CCSER1: variants seen among roughly 807,000 people sequenced by gnomAD.
CCSER1 encodes serine-rich coiled-coil domain-containing protein 1.
CCSER1 carries 41 observed loss-of-function variants against 82.0 expected under a neutral mutation model. That is an observed-to-expected ratio of 0.50 (90% CI 0.39 to 0.65). CCSER1 has a LOEUF of 0.65. CCSER1 is among the 30% of genes least tolerant of loss of function. CCSER1 has a pLI of 0.00. For missense variants in CCSER1, 1,119 were observed against 1,064.2 expected (o/e 1.05, Z -0.72); for synonymous variants, 414 against 383.9 (o/e 1.08, Z -0.92).
intron 1 of CCSER1, among the ~76,000 whole-genome samples, chr4:90,277,939 C>T (rs1728138123): frequency 6.6e-6 from 1 of 152,036 alleles, no homozygotes; most frequent in South Asian, 2.1e-4. Flanking sequence ...CTGCATTTGA[C>T]AAAGATCTAA....
At chr4:90,737,318 C>T (rs1561044945) in intron 7 of CCSER1, among the ~76,000 whole-genome samples, 1 of 152,092 alleles carries the variant, frequency 6.6e-6, no homozygotes. Flanking sequence ...TAACAAAATC[C>T]CTCGTCTTTT....
chr4:90,384,633 T>C (rs1749729873), intron 3 of CCSER1, among the ~76,000 whole-genome samples: 1 of 152,156 alleles, frequency 6.6e-6, no homozygotes, highest in Non-Finnish European at 1.5e-5. Flanking sequence ...ACCTAGACAC[T>C]GTATTCCTCT....
At chr4:91,546,012 G>A (rs1368031872) in intron 10 of CCSER1, among the ~76,000 whole-genome samples, 1 of 152,056 alleles carries the variant, frequency 6.6e-6, no homozygotes, top group Admixed American at 6.6e-5. Flanking sequence ...AATATTGTCA[G>A]ATGTTTTTTC....
At chr4:91,473,075 A>G (rs1222095966) in intron 10 of CCSER1, among the ~76,000 whole-genome samples, 2 of 152,160 alleles carry the variant, frequency 1.3e-5, no homozygotes, top group East Asian at 1.9e-4. Context: ...TGTTCCGCCA[A>G]TGCCCAGTAT....
chr4:91,529,937 A>T (rs1760940400), intron 10 of CCSER1, among the ~76,000 whole-genome samples: 1 of 152,166 alleles, frequency 6.6e-6, no homozygotes, highest in Admixed American at 6.5e-5. Flanking sequence ...TCCCTGAAGC[A>T]ATTTCATATC....
intron 5 of CCSER1, among the ~76,000 whole-genome samples, chr4:90,622,876 C>A (rs976199004): frequency 2.6e-5 from 4 of 152,184 alleles, no homozygotes; most frequent in Admixed American, 1.3e-4. Context: ...AGTTTACAGT[C>A]CCACCAACAG....
intron 1 of CCSER1, among the ~76,000 whole-genome samples, chr4:90,157,946 C>A (rs988814718): frequency 3.3e-5 from 5 of 152,160 alleles, no homozygotes; most frequent in African/African-American, 1.2e-4. Flanking sequence ...GGAGGAGAGG[C>A]GCTCTGCTTT....
chr4:90,548,846 A>T (rs11727913), intron 5 of CCSER1, among the ~76,000 whole-genome samples: 24,231 of 151,796 alleles, frequency 0.16, 2,517 homozygotes, highest in East Asian at 0.44. Flanking sequence ...CAAACTTCAG[A>T]ATATCAAAGT....
chr4:91,069,909 A>G (rs1445542498), intron 9 of CCSER1, among the ~76,000 whole-genome samples: 1 of 152,168 alleles, frequency 6.6e-6, no homozygotes, highest in Non-Finnish European at 1.5e-5. Flanking sequence ...ATATAATCAT[A>G]TATAATTTTA....
chr4:91,104,603 T>C (rs1725423373), intron 10 of CCSER1, among the ~76,000 whole-genome samples: 1 of 152,218 alleles, frequency 6.6e-6, no homozygotes, highest in African/African-American at 2.4e-5. Context: ...ATTGCTACTA[T>C]ACACTACATT....
chr4:91,457,722 A>G (rs1468666178), intron 10 of CCSER1, among the ~76,000 whole-genome samples: 1 of 152,084 alleles, frequency 6.6e-6, no homozygotes, highest in Non-Finnish European at 1.5e-5. Context: ...TTGTATTACA[A>G]TTTTTAACAT....
chr4:91,141,804 T>G (rs1729060267), intron 10 of CCSER1, among the ~76,000 whole-genome samples: 1 of 152,186 alleles, frequency 6.6e-6, no homozygotes, highest in African/African-American at 2.4e-5. Flanking sequence ...TTTGGCCCTT[T>G]TAATAAAAGC....
intron 10 of CCSER1, among the ~76,000 whole-genome samples, chr4:91,544,573 T>G (rs1309962301): frequency 6.6e-6 from 1 of 152,134 alleles, no homozygotes; most frequent in Non-Finnish European, 1.5e-5. Context: ...TTGCTGGAGG[T>G]CCACTCCAGA....
At chr4:91,427,122 A>T (rs372727004) in intron 10 of CCSER1, among the ~76,000 whole-genome samples, 22 of 152,276 alleles carry the variant, frequency 1.4e-4, no homozygotes, top group African/African-American at 5.1e-4. Context: ...GAAAACAGAT[A>T]AGGAAGATAG....
intron 8 of CCSER1, among the ~76,000 whole-genome samples, chr4:90,844,848 G>A (rs1763006033): frequency 6.6e-6 from 1 of 152,100 alleles, no homozygotes; most frequent in Non-Finnish European, 1.5e-5. Context: ...CTAGACAAGG[G>A]GTTAGCAAAG....
At chr4:90,225,082 T>C (rs1742889836) in intron 1 of CCSER1, among the ~76,000 whole-genome samples, 1 of 151,998 alleles carries the variant, frequency 6.6e-6, no homozygotes, top group African/African-American at 2.4e-5. Flanking sequence ...TTTTTATTTT[T>C]GAGACAGTTT....
intron 6 of CCSER1, among the ~76,000 whole-genome samples, chr4:90,636,898 G>GCAGTTT (rs1725511410): frequency 6.6e-6 from 1 of 152,226 alleles, no homozygotes; most frequent in South Asian, 2.1e-4. Flanking sequence ...TGTATGAGCA[G>GCAGTTT]ATATGTTTGT....
chr4:90,586,109 G>T (rs1781982921), intron 5 of CCSER1, among the ~76,000 whole-genome samples: 1 of 152,132 alleles, frequency 6.6e-6, no homozygotes, highest in Admixed American at 6.5e-5. Flanking sequence ...GAGGTGAGTG[G>T]TGGGTGAGCG....
chr4:90,177,248 A>G (rs1421536238), intron 1 of CCSER1, among the ~76,000 whole-genome samples: 1 of 152,154 alleles, frequency 6.6e-6, no homozygotes, highest in Admixed American at 6.6e-5. Flanking sequence ...ACAGGAAAAA[A>G]TAGTTTATAA....
Sources: allele counts gnomAD v4.1 joint callset (sites outside exome capture counted in the v4.1 genomes callset), GRCh38; gene constraint gnomAD v4.1.1; transcripts MANE v1.5; gene names NCBI Gene and HGNC (gene_info 2026-07-23, HGNC 2026-07-21).